The following NFIC variants were observed in gnomAD, a reference collection of about 807,000 sequenced individuals.
NFIC encodes nuclear factor 1 C-type.
In NFIC, 12 loss-of-function variants were observed where a neutral mutation model predicts 54.4. The observed-to-expected ratio is 0.22, with a 90% CI of 0.14 to 0.36. NFIC has a LOEUF of 0.36. Ranked by LOEUF, NFIC falls within the 10% of genes least tolerant of loss-of-function variation. The pLI, the probability that NFIC is intolerant of heterozygous loss-of-function variation, is 1.00. For synonymous variants in NFIC, 322 were observed against 319.2 expected (o/e 1.01, Z -0.09); for missense variants, 575 against 718.2 (o/e 0.80, Z 2.28).
At chr19:3,456,951 G>C (rs1393334756) in intron 10 of NFIC, 1 of 416,462 alleles carries the variant, frequency 2.4e-6, no homozygotes. Flanking sequence ...TGGTATAGAT[G>C]GGAAAACTGA....
chr19:3,453,950 G>A lies in NFIC; in HGVS notation c.1423+34G>A, dbSNP rs888111777. ...GCGGGAAGCGGTGCCCTGGTGGGGC[G>A]GATGTCCGCAGGGGGGCCTGTCCCC... is the stretch of plus-strand genomic sequence containing the variant. On this transcript the variant is annotated intron_variant, in intron 9 of 10. Transcript: ENST00000443272. This position sits in a 1 kb window ranked among gnomAD's most constrained non-coding sequence, Gnocchi z 6.7. 2.7e-5 allele frequency: 40 copies of A among 1,491,114 alleles called. No individual in the cohort carries two copies. The highest frequency in any genetic ancestry group is 7.8e-5 in the East Asian group (3 of 38,390). The allele number at this position is 1,491,114 out of a possible 1,614,324, so 92.4% of individuals were successfully genotyped here.
In NFIC at chr19:3,463,055, T is replaced by G; in HGVS notation, c.*286T>G. The G allele has an allele frequency of 7.5e-7, 1 of 1,331,096 alleles. No homozygotes were observed. The highest frequency in any genetic ancestry group is 9.6e-7 in the Non-Finnish European group (1 of 1,043,642). The allele number at this position is 1,331,096 out of a possible 1,614,324, so 82.5% of individuals were successfully genotyped here. A position where few individuals can be genotyped will look rare whatever the true frequency, so the allele number is the denominator to read the frequency against. On this transcript the variant is annotated 3_prime_UTR_variant, in exon 11 of 11. Coordinates refer to ENST00000443272, the MANE Select transcript of NFIC (RefSeq NM_001245002.2). The stretch of plus-strand genomic sequence containing the variant: ...TCTCGGGACGCCAAGGCCGCAGGAC[T>G]GGAGGGCCAGGCCCCGCCACCCCCA...
At chr19:3,397,455 C>T (rs1472000013) in intron 2 of NFIC, among the ~76,000 whole-genome samples, 1 of 152,196 alleles carries the variant, frequency 6.6e-6, no homozygotes, top group Non-Finnish European at 1.5e-5. Flanking sequence ...AGGCTGGGGG[C>T]TGGGCAGGTC....
At chr19:3,439,627 A>T (rs2082260884) in intron 6 of NFIC, among the ~76,000 whole-genome samples, 1 of 150,796 alleles carries the variant, frequency 6.6e-6, no homozygotes, top group South Asian at 2.1e-4. Context: ...GGGCAACAAG[A>T]GCGAAACTCC....
chr19:3,448,898 G>T lies in NFIC; in HGVS notation c.959-116G>T, dbSNP rs1599712444. ...AGCCTCTCCCCCTCAGGATTCTGGG[G>T]TAAGAGGAGGCGGGGTGATGAGGCT... is the stretch of plus-strand genomic sequence containing the variant. On this transcript the variant is annotated intron_variant, in intron 6 of 10. Transcript: ENST00000443272. The T allele has an allele frequency of 2.7e-6, 4 of 1,455,890 alleles. No individual in the cohort carries two copies. In the East Asian group the frequency reaches 7.0e-5, roughly 26 times the overall value. The allele number at this position is 1,455,890 out of a possible 1,614,324, so 90.2% of individuals were successfully genotyped here.
chr19:3,451,879 G>A (rs939740333), intron 7 of NFIC, among the ~76,000 whole-genome samples: 3 of 151,820 alleles, frequency 2.0e-5, no homozygotes, highest in Non-Finnish European at 2.9e-5. Context: ...CTCTTTGGGA[G>A]GCCAAAGTGG....
Position 3,452,283 on chromosome 19 carries a change from C to A in NFIC, c.1085-199C>A, listed in dbSNP as rs1159074495. 6.6e-6 allele frequency among the ~76,000 whole-genome samples: 1 copy of A among 152,084 alleles called. No individual in the cohort carries two copies. The highest frequency in any genetic ancestry group is 1.9e-4 in the East Asian group (1 of 5,192). ...AAATTAAAACACAAGGATAATATCACAGCCCCAGTGGGGTTGCCGTGGGAG... is the reference window on the plus strand; with the variant it reads ...AAATTAAAACACAAGGATAATATCAAAGCCCCAGTGGGGTTGCCGTGGGAG... On this transcript the variant is annotated intron_variant, in intron 7 of 10. Coordinates refer to ENST00000443272, the MANE Select transcript of NFIC (RefSeq NM_001245002.2). The surrounding 1 kb of genome is among the most constrained non-coding windows in gnomAD (Gnocchi z 5.3).
At chr19:3,408,614 TTTTTA>T (rs537340414) in intron 2 of NFIC, among the ~76,000 whole-genome samples, 4 of 152,024 alleles carry the variant, frequency 2.6e-5, no homozygotes, top group Admixed American at 6.6e-5. Context: ...ACCCAGCTAA[TTTTTA>T]TTTTATTTTA....
intron 2 of NFIC, among the ~76,000 whole-genome samples, chr19:3,396,466 C>T (rs948121567): frequency 5.8e-5 from 8 of 138,382 alleles, no homozygotes; most frequent in South Asian, 2.2e-4. Flanking sequence ...AGTGAGACTC[C>T]GTCTCAAAAA....
intron 1 of NFIC, among the ~76,000 whole-genome samples, chr19:3,372,713 G>T (rs1258269830): frequency 2.3e-5 from 3 of 130,246 alleles, no homozygotes; most frequent in Middle Eastern, 3.8e-3. Flanking sequence ...GGAGTGGGGT[G>T]GGGGGGTGCC....
intron 2 of NFIC, among the ~76,000 whole-genome samples, chr19:3,422,876 G>T (rs2081974280): frequency 6.6e-6 from 1 of 151,826 alleles, no homozygotes. Flanking sequence ...ATTGCTCGTG[G>T]TTCTGACCCG....
chr19:3,423,997 C>A (rs943429654), intron 2 of NFIC, among the ~76,000 whole-genome samples: 1 of 152,110 alleles, frequency 6.6e-6, no homozygotes, highest in South Asian at 2.1e-4. Flanking sequence ...GACTGAACCT[C>A]ATTTTATTTT....
At chr19:3,367,475 C>T (rs2080915549) in intron 1 of NFIC, among the ~76,000 whole-genome samples, 1 of 82,854 alleles carries the variant, frequency 1.2e-5, no homozygotes, top group South Asian at 3.6e-4. Context: ...TGCCCCGTCC[C>T]CTCCCCCTCC....
At position 3,405,225 on chromosome 19, in the gene NFIC, G is replaced by C. The variant is rs565404552; in HGVS notation, c.563-19881G>C. 2.2e-4 allele frequency among the ~76,000 whole-genome samples: 34 copies of C among 152,380 alleles called. No individual in the cohort carries two copies. The South Asian group carries it at 6.8e-3, about 31-fold the overall frequency. On this transcript the variant is annotated intron_variant, in intron 2 of 10. Transcript: ENST00000443272. ...GAAGGACGAGGCCGGGGAGGCCCGG[G>C]ATGGAGGCCAGCGTCCTGGAGGTCA... is the stretch of plus-strand genomic sequence containing the variant.
chr19:3,456,826 TG>T, intron 10 of NFIC, 191 bp downstream of exon 10: 1 of 627,800 alleles, frequency 1.6e-6, no homozygotes, highest in Non-Finnish European at 2.8e-6. Context: ...CCCTCCACCT[TG>T]GTCCTGGGGG....
Position 3,412,832 on chromosome 19 carries a change from G to A in NFIC, c.563-12274G>A, listed in dbSNP as rs544351276. ...CTCCCACCTCAGTGGCCCCAGGTGG[G>A]GGTGCTCTGAAATTTCTCTGGCCTG... On this transcript the variant is annotated intron_variant, in intron 2 of 10. Coordinates refer to ENST00000443272, the MANE Select transcript of NFIC (RefSeq NM_001245002.2). 4.6e-5 allele frequency among the ~76,000 whole-genome samples: 7 copies of A among 152,310 alleles called. No individual in the cohort carries two copies. The East Asian group carries it at 7.7e-4, about 17-fold the overall frequency.
At chr19:3,402,755 G>A (rs1382486574) in intron 2 of NFIC, among the ~76,000 whole-genome samples, 1 of 152,210 alleles carries the variant, frequency 6.6e-6, no homozygotes, top group Non-Finnish European at 1.5e-5. Context: ...GATCTCAAGA[G>A]AGAGCAAGCA....
Position 3,464,715 on chromosome 19 carries a change from G to A in NFIC, c.*1946G>A, listed in dbSNP as rs1030343470. 4.0e-5 allele frequency: 39 copies of A among 984,888 alleles called. No individual in the cohort carries two copies. The highest frequency in any genetic ancestry group is 2.8e-4 in the South Asian group (6 of 21,258). The allele number at this position is 984,888 out of a possible 1,614,324, so 61.0% of individuals were successfully genotyped here. On this transcript the variant is annotated 3_prime_UTR_variant, in exon 11 of 11. Coordinates refer to ENST00000443272, the MANE Select transcript of NFIC (RefSeq NM_001245002.2). ...CCTCAGGAGCTTGGCGAACCCGCTCGCTCCTAAAGAGAAAGACCCAGGACC... is the reference window on the plus strand; with the variant it reads ...CCTCAGGAGCTTGGCGAACCCGCTCACTCCTAAAGAGAAAGACCCAGGACC...
intron 2 of NFIC, among the ~76,000 whole-genome samples, chr19:3,390,069 A>C (rs2081354713): frequency 6.6e-6 from 1 of 152,148 alleles, no homozygotes; most frequent in African/African-American, 2.4e-5. Flanking sequence ...GGGAGGTCCC[A>C]GTGCCGCCGT....
Sources: allele counts gnomAD v4.1 joint callset (sites outside exome capture counted in the v4.1 genomes callset), GRCh38; gene constraint gnomAD v4.1.1; non-coding constraint Gnocchi (gnomAD v3.1); transcripts MANE v1.5; gene names NCBI Gene and HGNC (gene_info 2026-07-23, HGNC 2026-07-21).